Variants in MMS22L observed in about 807,000 individuals in gnomAD.
MMS22L encodes the protein protein MMS22-like.
MMS22L carries 74 observed loss-of-function variants against 159.1 expected under a neutral mutation model. That is an observed-to-expected ratio of 0.47 (90% CI 0.39 to 0.56). The LOEUF (loss-of-function observed/expected upper bound fraction) is 0.56. MMS22L is among the 20% of genes least tolerant of loss of function. The pLI is 0.00. For missense variants in MMS22L, 1,351 were observed against 1,422.1 expected, an observed-to-expected ratio of 0.95 and a Z score of 0.80; for synonymous variants, 517 against 506.9, an observed-to-expected ratio of 1.02 and a Z score of -0.27.
chr6:97,168,419 A>T (rs1041650818), intron 19 of MMS22L, among the ~76,000 whole-genome samples, 179 bp from the exon 20 acceptor site: 5 of 152,144 alleles, frequency 3.3e-5, no homozygotes. Flanking sequence ...CTAAAGAGAC[A>T]AATTTTTCAT....
At chr6:97,277,748 C>T (rs567287458) in intron 4 of MMS22L, among the ~76,000 whole-genome samples, 4 of 152,216 alleles carry the variant, frequency 2.6e-5, no homozygotes, top group South Asian at 4.1e-4. Context: ...TTAAGCCCTA[C>T]GGAAAATCAC....
chr6:97,168,213 A>G lies in MMS22L; in HGVS notation c.2867T>C (p.Ile956Thr). Residue 956 changes from isoleucine (I) to threonine (T), a missense_variant, in exon 20 of 25, where the codon ATC becomes ACC. By Grantham distance (89) the Ile-to-Thr change is moderately conservative. Coordinates refer to ENST00000683635, the MANE Select transcript of MMS22L (RefSeq NM_001350599.2). ...MGILVKSWAQIFATSKAQKLL... is the reference protein window; with the variant it reads ...MGILVKSWAQTFATSKAQKLL... ...TTTTTGGGCTTTAGAAGTGGCAAAG[A>G]TTTGTGCCCATGATTTCACAAGAAT... is the stretch of plus-strand genomic sequence containing the variant. 1 of 1,612,938 alleles carries G rather than the reference A, an allele frequency of 6.2e-7. No homozygotes were observed. The highest frequency in any genetic ancestry group is 8.5e-7 in the Non-Finnish European group (1 of 1,179,288).
rs149843929 is a variant in MMS22L at position 97,179,754 on chromosome 6, T to A, written c.2385-195A>T. On this transcript the variant is annotated intron_variant, in intron 16 of 24. Transcript: ENST00000683635. ...AACCCAAAAAGATGTTAAACAAATA[T>A]CCTTCTTTTCATTTTTAATGTTATA... Among the ~76,000 whole-genome samples, 688 of 152,336 alleles carry A rather than the reference T, an allele frequency of 4.5e-3. 11 individuals carry two copies. Among genetic ancestry groups the A allele is most frequent in the African/African-American group, 0.016 (654 of 41,580 alleles).
chr6:97,267,519 TAATAC>T (rs1487386687), intron 8 of MMS22L: 1 of 154,740 alleles, frequency 6.5e-6, no homozygotes, highest in Non-Finnish European at 1.4e-5. Flanking sequence ...TACACAACAG[TAATAC>T]AATACATTAT....
chr6:97,158,952 G>A (rs1802140171), intron 22 of MMS22L, among the ~76,000 whole-genome samples: 1 of 152,042 alleles, frequency 6.6e-6, no homozygotes, highest in Non-Finnish European at 1.5e-5. Context: ...AAGTCTCTTT[G>A]TAGGTCTCTA....
In MMS22L at chr6:97,276,383, A is replaced by G. The variant is rs182861522; in HGVS notation, c.340+2466T>C. ...GTGGTTTCAGGTTAATAAGTGTAAT[A>G]ATAATAATCTATCATAATAAATGCC... is the stretch of plus-strand genomic sequence containing the variant. On this transcript the variant is annotated intron_variant, in intron 4 of 24. Coordinates refer to ENST00000683635, the MANE Select transcript of MMS22L (RefSeq NM_001350599.2). 2.5e-4 allele frequency among the ~76,000 whole-genome samples: 38 copies of G among 152,344 alleles called. 1 individual carries two copies. In the East Asian group the frequency reaches 6.4e-3, roughly 26 times the overall value.
chr6:97,172,101 TG>T (rs1222145066), intron 19 of MMS22L, among the ~76,000 whole-genome samples: 2 of 152,150 alleles, frequency 1.3e-5, no homozygotes, highest in African/African-American at 4.8e-5. Flanking sequence ...AATCTAAATC[TG>T]GAAACAGAAA....
upstream of MMS22L, chr6:97,283,292 G>T (rs568830077): frequency 3.9e-5 from 6 of 151,976 alleles, no homozygotes; most frequent in Admixed American, 1.3e-4. Context: ...GGAGCCCCAC[G>T]AATTCTCGCG....
chr6:97,263,236 T>A, intron 9 of MMS22L, 99 bp downstream of exon 9: 1 of 729,664 alleles, frequency 1.4e-6, no homozygotes, highest in South Asian at 1.8e-5. Context: ...ATTGCCTTAT[T>A]ATAAAAAAGG....
rs765303932 is a variant in MMS22L at position 97,168,202 on chromosome 6, A to C, written c.2878T>G (p.Ser960Ala). 6.8e-6 allele frequency: 11 copies of C among 1,612,902 alleles called. No individual in the cohort carries two copies. The African/African-American group carries it at 1.3e-4, about 20-fold the overall frequency. The stretch of plus-strand genomic sequence containing the variant: ...CGGAATAGTAATTTTTGGGCTTTAG[A>C]AGTGGCAAAGATTTGTGCCCATGAT... ...VKSWAQIFAT[S>A]KAQKLLFRII... The change falls in exon 20 of 25, where the codon TCT becomes GCT. Residue 960 changes from serine (S) to alanine (A), a missense_variant. Physicochemically the swap from Ser to Ala is moderately conservative, Grantham distance 99. Transcript: ENST00000683635.
At chr6:97,283,278 A>G (rs187272121), upstream of MMS22L, 128 of 152,220 alleles carry the variant, frequency 8.4e-4, 1 homozygote, top group African/African-American at 2.9e-3. Context: ...GCGCGGAAAC[A>G]GTCGGAGCCC....
At position 97,228,866 on chromosome 6, in the gene MMS22L, T is replaced by C. The variant is rs370031220; in HGVS notation, c.2039+28A>G. The C allele has an allele frequency of 5.0e-4, 785 of 1,560,670 alleles. 5 individuals are homozygous for C. The South Asian group carries it at 9.0e-3, about 18-fold the overall frequency. On this transcript the variant is annotated intron_variant, in intron 14 of 24. Coordinates refer to ENST00000683635, the MANE Select transcript of MMS22L (RefSeq NM_001350599.2). ...ATAAGTAATTATATAAAACAAATCA[T>C]AAATTAGCATACAACTGAAAACCAT...
chr6:97,220,056 T>C (rs1461274963), intron 14 of MMS22L, among the ~76,000 whole-genome samples: 1 of 152,202 alleles, frequency 6.6e-6, no homozygotes, highest in Non-Finnish European at 1.5e-5. Flanking sequence ...GCAGTGACTC[T>C]CACATGACAT....
rs140406185 is a variant in MMS22L, at chr6:97,203,776, C to T, written c.2040-17086G>A. On this transcript the variant is annotated intron_variant, in intron 14 of 24. Coordinates refer to ENST00000683635, the MANE Select transcript of MMS22L (RefSeq NM_001350599.2). Reference sequence around the variant, plus strand: ...ATTAGACCGATTATTACAGGGTAACCATTTTTTCTTTGGAGAAATATAATG... The same window carrying T: ...ATTAGACCGATTATTACAGGGTAACTATTTTTTCTTTGGAGAAATATAATG... Among the ~76,000 whole-genome samples, 168 of 152,250 alleles carry T rather than the reference C, an allele frequency of 1.1e-3. No homozygotes were observed. The South Asian group carries it at 0.013, about 12-fold the overall frequency.
At chr6:97,282,806 G>A (rs1352593187) in intron 1 of MMS22L, among the ~76,000 whole-genome samples, 1 of 152,222 alleles carries the variant, frequency 6.6e-6, no homozygotes, top group Non-Finnish European at 1.5e-5. Context: ...GCAAAGAAAT[G>A]TCTGCAGGAC....
chr6:97,274,098 T>C (rs916485523), intron 4 of MMS22L, among the ~76,000 whole-genome samples: 4 of 152,282 alleles, frequency 2.6e-5, no homozygotes, highest in East Asian at 1.9e-4. Context: ...GTAGTTACTA[T>C]GGGCAAAACA....
At chr6:97,209,053 T>C (rs1808093419) in intron 14 of MMS22L, among the ~76,000 whole-genome samples, 1 of 152,052 alleles carries the variant, frequency 6.6e-6, no homozygotes, top group East Asian at 1.9e-4. Flanking sequence ...TTATCACAGG[T>C]ATAAATCCTA....
chr6:97,186,828 T>C, intron 14 of MMS22L, 138 bp from the exon 15 acceptor site: 1 of 549,266 alleles, frequency 1.8e-6, no homozygotes, highest in Non-Finnish European at 2.9e-6. Flanking sequence ...CAAGACATTA[T>C]GCATTTCTGG....
At chr6:97,162,837 T>C (rs1802583714) in intron 21 of MMS22L, among the ~76,000 whole-genome samples, 1 of 152,028 alleles carries the variant, frequency 6.6e-6, no homozygotes, top group Non-Finnish European at 1.5e-5. Flanking sequence ...CCATAACAAG[T>C]GTTCAGTATA....
Sources: allele counts gnomAD v4.1 joint callset (sites outside exome capture counted in the v4.1 genomes callset), GRCh38; gene constraint gnomAD v4.1.1; transcripts MANE v1.5; gene names NCBI Gene and HGNC (gene_info 2026-07-23, HGNC 2026-07-21).